Variants in ZNF136 observed in about 807,000 individuals in gnomAD.
ZNF136 encodes the protein zinc finger protein 136 (clone pHZ-20).
In ZNF136, 8 loss-of-function variants were observed where a neutral mutation model predicts 11.4. The ratio of observed to expected loss-of-function variants is 0.70; its 90% CI spans 0.41 to 1.27. The LOEUF (loss-of-function observed/expected upper bound fraction) is 1.27. Ranked by LOEUF, ZNF136 falls within the 50% of genes most tolerant of loss-of-function variation. The pLI is 0.01. For missense variants in ZNF136, 590 were observed against 656.5 expected, an observed-to-expected ratio of 0.90 and a Z score of 1.11; for synonymous variants, 190 against 207.1, an observed-to-expected ratio of 0.92 and a Z score of 0.71.
At chr19:12,180,153 A>G (rs1339152723) in intron 1 of ZNF136, among the ~76,000 whole-genome samples, 2 of 152,214 alleles carry the variant, frequency 1.3e-5, no homozygotes, top group Non-Finnish European at 2.9e-5. Flanking sequence ...GGCGTGAGCC[A>G]CCGCCCCCGG....
At chr19:12,183,423 A>G (rs1300369923) in intron 1 of ZNF136, among the ~76,000 whole-genome samples, 1 of 152,188 alleles carries the variant, frequency 6.6e-6, no homozygotes, top group Non-Finnish European at 1.5e-5. Flanking sequence ...GGCGTGAGCC[A>G]CCACTCCCAG....
chr19:12,187,524 CAT>C lies in ZNF136; in HGVS notation c.1147_1148del (p.Met383AspfsTer10). On this transcript the variant is annotated frameshift_variant, in exon 4 of 4. Transcript: ENST00000343979. LOFTEE classifies it low-confidence loss of function (END_TRUNC). Reference sequence around the variant, plus strand: ...GTTGTATCCCAAGTATGCGAAGACACATGATAAAACATACTGGAGAAGGACCT... The same window carrying C: ...GTTGTATCCCAAGTATGCGAAGACACGATAAAACATACTGGAGAAGGACCT... ...FSCIPSMRRH[M>X]IKHTGEGPYK... is the part of the protein sequence containing the mutation. The C allele has an allele frequency of 6.2e-7, 1 of 1,613,590 alleles. No homozygotes were observed. The highest frequency in any genetic ancestry group is 8.5e-7 in the Non-Finnish European group (1 of 1,179,922).
chr19:12,167,532 C>A (rs576720937), intron 1 of ZNF136, among the ~76,000 whole-genome samples: 1 of 152,318 alleles, frequency 6.6e-6, no homozygotes, highest in African/African-American at 2.4e-5. Flanking sequence ...TTGAGACCAG[C>A]CTAGGCAACA....
chr19:12,175,861 T>C (rs973143400), intron 1 of ZNF136, among the ~76,000 whole-genome samples: 2 of 152,240 alleles, frequency 1.3e-5, no homozygotes, highest in African/African-American at 2.4e-5. Context: ...TATGATTATG[T>C]CTTTTCTGCA....
chr19:12,182,331 T>G (rs1914965313), intron 1 of ZNF136, among the ~76,000 whole-genome samples: 1 of 152,200 alleles, frequency 6.6e-6, no homozygotes, highest in African/African-American at 2.4e-5. Flanking sequence ...CAGGGTTGAT[T>G]GCCCTCAGCC....
At chr19:12,181,930 C>T (rs368571606) in intron 1 of ZNF136, among the ~76,000 whole-genome samples, 44 of 152,164 alleles carry the variant, frequency 2.9e-4, no homozygotes, top group African/African-American at 1.0e-3. Flanking sequence ...CCACCGCGCC[C>T]GGCCATTTTT....
intron 1 of ZNF136, 30 bp downstream of exon 1, chr19:12,163,236 C>T (rs763649998): frequency 7.8e-5 from 107 of 1,376,370 alleles, no homozygotes; most frequent in Non-Finnish European, 9.5e-5. Context: ...CGTCCCGAGA[C>T]AGGGAGGAGG....
intron 1 of ZNF136, among the ~76,000 whole-genome samples, chr19:12,166,488 A>G (rs1977188753): frequency 6.6e-6 from 1 of 152,216 alleles, no homozygotes; most frequent in African/African-American, 2.4e-5. Flanking sequence ...AAATTGGGGA[A>G]TTACAAAGAT....
intron 1 of ZNF136, among the ~76,000 whole-genome samples, chr19:12,181,514 C>T (rs169200): frequency 7.3e-5 from 11 of 151,378 alleles, no homozygotes; most frequent in Admixed American, 2.0e-4. Context: ...ATTCTGTCGC[C>T]GAGGCTGGAA....
chr19:12,174,644 T>G (rs1412370776), intron 1 of ZNF136, among the ~76,000 whole-genome samples: 1 of 150,056 alleles, frequency 6.7e-6, no homozygotes, highest in Non-Finnish European at 1.5e-5. Flanking sequence ...CTTTCTTTCT[T>G]TTTTTTTTTG....
At chr19:12,170,169 T>C (rs983880040) in intron 1 of ZNF136, among the ~76,000 whole-genome samples, 115 of 127,050 alleles carry the variant, frequency 9.1e-4, no homozygotes, top group African/African-American at 2.8e-3. Context: ...ACCTTGTGAT[T>C]CACCCACCTT....
At chr19:12,182,698 C>T (rs1914974728) in intron 1 of ZNF136, among the ~76,000 whole-genome samples, 1 of 152,194 alleles carries the variant, frequency 6.6e-6, no homozygotes, top group South Asian at 2.1e-4. Flanking sequence ...ACAAGGAAAA[C>T]CCACCTCTGC....
At chr19:12,182,229 T>G (rs1914960528) in intron 1 of ZNF136, among the ~76,000 whole-genome samples, 1 of 152,236 alleles carries the variant, frequency 6.6e-6, no homozygotes, top group Admixed American at 6.5e-5. Flanking sequence ...GAAACTCCAT[T>G]GTGAAAAAGC....
At chr19:12,181,011 C>T (rs1914925977) in intron 1 of ZNF136, among the ~76,000 whole-genome samples, 1 of 152,190 alleles carries the variant, frequency 6.6e-6, no homozygotes, top group Admixed American at 6.5e-5. Flanking sequence ...ATCAGGCGCG[C>T]CTCAGAGCCC....
chr19:12,186,920 A>G lies in ZNF136; in HGVS notation c.542A>G (p.Lys181Arg). 6.2e-7 allele frequency: 1 copy of G among 1,613,770 alleles called. No individual in the cohort carries two copies. Among genetic ancestry groups the G allele is most frequent in the African/African-American group, 1.3e-5 (1 of 74,944 alleles). Reference protein sequence around the residue: ...KECGKTFFSLKRIRRHIITHS... With the variant: ...KECGKTFFSLRRIRRHIITHS... ...TGTGGAAAAACCTTCTTTTCTCTCAAAAGAATTAGAAGACACATCATCACA... is the reference window on the plus strand; with the variant it reads ...TGTGGAAAAACCTTCTTTTCTCTCAGAAGAATTAGAAGACACATCATCACA... The change falls in exon 4 of 4, where the codon AAA becomes AGA. Residue 181 changes from lysine (K) to arginine (R), a missense_variant. Coordinates refer to ENST00000343979, the MANE Select transcript of ZNF136 (RefSeq NM_003437.5).
chr19:12,184,750 C>G (rs553682447), intron 1 of ZNF136: 1 of 152,178 alleles, frequency 6.6e-6, no homozygotes, highest in Admixed American at 6.5e-5. Context: ...GGGGGCTCAT[C>G]AGGTGGGCAC....
chr19:12,187,264 C>T lies in ZNF136; in HGVS notation c.886C>T (p.Arg296Ter), dbSNP rs565323783. The change falls in exon 4 of 4, where the codon CGA becomes TGA. Residue 296 changes from arginine to a stop codon, truncating the protein, a stop_gained. Coordinates refer to ENST00000343979, the MANE Select transcript of ZNF136 (RefSeq NM_003437.5). LOFTEE classifies it low-confidence loss of function (END_TRUNC). ...AGCCTTCAGTTGTTCCCCAACCTTA[C>T]GAATACATGAAAGAACCCATACTGG... ...GKAFSCSPTL[R>*]IHERTHTGEK... is the part of the protein sequence containing the mutation. 8 of 1,613,928 alleles carry T rather than the reference C, an allele frequency of 5.0e-6. No individual in the cohort carries two copies. The highest frequency in any genetic ancestry group is 1.7e-4 in the Middle Eastern group (1 of 6,060).
At chr19:12,165,026 C>G (rs1263385367) in intron 1 of ZNF136, among the ~76,000 whole-genome samples, 3 of 152,202 alleles carry the variant, frequency 2.0e-5, no homozygotes, top group African/African-American at 7.2e-5. Context: ...ATCCTGTCCC[C>G]CTTTTTCAGA....
intron 1 of ZNF136, among the ~76,000 whole-genome samples, chr19:12,165,175 G>A (rs1977168540): frequency 6.6e-6 from 1 of 152,180 alleles, no homozygotes; most frequent in Non-Finnish European, 1.5e-5. Flanking sequence ...GGAATAACCT[G>A]AAAAACAAAA....
Sources: allele counts gnomAD v4.1 joint callset (sites outside exome capture counted in the v4.1 genomes callset), GRCh38; gene constraint gnomAD v4.1.1; transcripts MANE v1.5; gene names NCBI Gene and HGNC (gene_info 2026-07-23, HGNC 2026-07-21).